MFHAS1: variants seen among roughly 807,000 people sequenced by gnomAD.
MFHAS1 encodes the protein malignant fibrous histiocytoma-amplified sequence 1.
A neutral mutation model predicts 70.4 loss-of-function variants in MFHAS1; 50 were observed. That is an observed-to-expected ratio of 0.71 (90% CI 0.57 to 0.90). The LOEUF (loss-of-function observed/expected upper bound fraction) is 0.90, where lower values mean the gene tolerates loss of function less well. Among genes scored for constraint, MFHAS1 ranks in the 40% least tolerant of loss-of-function variants. The pLI is 0.00. For synonymous variants in MFHAS1, 952 were observed against 620.0 expected (o/e 1.54, Z -7.96); for missense variants, 1,795 against 1,347.6 (o/e 1.33, Z -5.20).
At chr8:8,786,859 C>G (rs1041532105) in intron 2 of MFHAS1, among the ~76,000 whole-genome samples, 3 of 152,044 alleles carry the variant, frequency 2.0e-5, no homozygotes, top group Non-Finnish European at 2.9e-5. Context: ...AAACACTTCT[C>G]CAGTCCATAC....
chr8:8,813,726 A>G (rs1806635100), intron 1 of MFHAS1, among the ~76,000 whole-genome samples: 1 of 152,210 alleles, frequency 6.6e-6, no homozygotes, highest in African/African-American at 2.4e-5. Context: ...TTTATAAAGT[A>G]AAAAAGTTAC....
chr8:8,879,287 G>A (rs1414408148), intron 1 of MFHAS1, among the ~76,000 whole-genome samples: 1 of 152,094 alleles, frequency 6.6e-6, no homozygotes. Context: ...GGAGGCGGAA[G>A]CTGCAGTGAG....
chr8:8,881,606 G>T (rs1322302998), intron 1 of MFHAS1, among the ~76,000 whole-genome samples: 5 of 152,186 alleles, frequency 3.3e-5, no homozygotes, highest in Non-Finnish European at 7.3e-5. Context: ...GGCTGAGGCG[G>T]GCGGATCACC....
intron 1 of MFHAS1, among the ~76,000 whole-genome samples, chr8:8,807,693 C>T (rs1350826859): frequency 6.6e-6 from 1 of 152,084 alleles, no homozygotes; most frequent in Non-Finnish European, 1.5e-5. Context: ...AAGAAGTGGC[C>T]AGAGCTGGTG....
At chr8:8,875,756 A>C (rs912750607) in intron 1 of MFHAS1, among the ~76,000 whole-genome samples, 1 of 152,060 alleles carries the variant, frequency 6.6e-6, no homozygotes, top group African/African-American at 2.4e-5. Flanking sequence ...ACGCTCAGCT[A>C]ATTTTTGCAA....
intron 1 of MFHAS1, among the ~76,000 whole-genome samples, chr8:8,814,787 T>C (rs1806675228): frequency 6.6e-6 from 1 of 151,578 alleles, no homozygotes; most frequent in Non-Finnish European, 1.5e-5. Context: ...CTCAACGTGA[T>C]GCATATTGGG....
intron 1 of MFHAS1, among the ~76,000 whole-genome samples, chr8:8,875,809 G>A (rs1027268003): frequency 5.3e-5 from 8 of 152,154 alleles, no homozygotes; most frequent in Non-Finnish European, 1.0e-4. Context: ...GACTGCTCTC[G>A]AACTCGTGAC....
At chr8:8,853,209 A>AC (rs1203833212) in intron 1 of MFHAS1, among the ~76,000 whole-genome samples, 3 of 150,632 alleles carry the variant, frequency 2.0e-5, no homozygotes, top group Admixed American at 6.7e-5. Flanking sequence ...ACACTCACAT[A>AC]CCCCCCAAAA....
chr8:8,863,902 G>A (rs1270720620), intron 1 of MFHAS1, among the ~76,000 whole-genome samples: 6 of 152,206 alleles, frequency 3.9e-5, no homozygotes, highest in Admixed American at 6.5e-5. Context: ...TCAAGGAGCT[G>A]AAACTCACCA....
At chr8:8,788,029 C>T (rs1232091506) in intron 2 of MFHAS1, among the ~76,000 whole-genome samples, 1 of 152,322 alleles carries the variant, frequency 6.6e-6, no homozygotes, top group Non-Finnish European at 1.5e-5. Context: ...ATCTCAAGTA[C>T]GACTTCCTGG....
chr8:8,791,271 C>T (rs1322337496), intron 2 of MFHAS1, among the ~76,000 whole-genome samples: 3 of 152,134 alleles, frequency 2.0e-5, no homozygotes, highest in Non-Finnish European at 1.5e-5. Context: ...AAACGTCAAC[C>T]ATCAGGAAAT....
chr8:8,859,362 A>G (rs915075424), intron 1 of MFHAS1, among the ~76,000 whole-genome samples: 1 of 152,152 alleles, frequency 6.6e-6, no homozygotes, highest in East Asian at 1.9e-4. Context: ...CAAAAAAAAA[A>G]GTTCACCATG....
At chr8:8,789,537 T>G (rs771345806) in intron 2 of MFHAS1, among the ~76,000 whole-genome samples, 1 of 152,120 alleles carries the variant, frequency 6.6e-6, no homozygotes, top group Non-Finnish European at 1.5e-5. Flanking sequence ...CCTTCCAGGA[T>G]GCAACAAAGA....
chr8:8,821,485 G>C (rs138881849), intron 1 of MFHAS1, among the ~76,000 whole-genome samples: 2 of 152,314 alleles, frequency 1.3e-5, no homozygotes, highest in Admixed American at 6.5e-5. Context: ...ATACAAAGTT[G>C]TTATTAATGC....
At position 8,892,024 on chromosome 8, in the gene MFHAS1, CT is replaced by C; in HGVS notation, c.1034del (p.Glu345GlyfsTer33). ...PDSIVELTGL[E>X]ELVLQGNQIA... ...TCTGGTTCCCCTGCAGCACGAGCTC[CT>C]CCAGGCCGGTCAGCTCCACGATGGA... On this transcript the variant is annotated frameshift_variant, in exon 1 of 3. Coordinates refer to ENST00000276282, the MANE Select transcript of MFHAS1 (RefSeq NM_004225.3). LOFTEE classifies it high-confidence loss of function. This position sits in a 1 kb window ranked among gnomAD's most constrained non-coding sequence, Gnocchi z 4.7. 6.2e-7 allele frequency: 1 copy of C among 1,613,614 alleles called. No homozygotes were observed. The highest frequency in any genetic ancestry group is 1.1e-5 in the South Asian group (1 of 91,084).
intron 1 of MFHAS1, among the ~76,000 whole-genome samples, chr8:8,875,844 C>A (rs2116918733): frequency 6.6e-6 from 1 of 152,306 alleles, no homozygotes; most frequent in African/African-American, 2.4e-5. Flanking sequence ...GCCTCGGCCT[C>A]CCAAAGTGCT....
chr8:8,835,502 C>G (rs1245987428), intron 1 of MFHAS1, among the ~76,000 whole-genome samples: 1 of 152,168 alleles, frequency 6.6e-6, no homozygotes, highest in African/African-American at 2.4e-5. Context: ...TTAATTCCCT[C>G]ATTTTCCTCA....
At chr8:8,806,723 G>T (rs987471707) in intron 1 of MFHAS1, among the ~76,000 whole-genome samples, 2 of 152,174 alleles carry the variant, frequency 1.3e-5, no homozygotes, top group Admixed American at 6.5e-5. Context: ...CACTTTGGGA[G>T]GCCAAGGCTG....
intron 1 of MFHAS1, among the ~76,000 whole-genome samples, chr8:8,798,252 C>G (rs1428003814): frequency 6.6e-6 from 1 of 152,204 alleles, no homozygotes; most frequent in African/African-American, 2.4e-5. Context: ...TCAGAGAGTA[C>G]TCAAGAAACA....
Sources: allele counts gnomAD v4.1 joint callset (sites outside exome capture counted in the v4.1 genomes callset), GRCh38; gene constraint gnomAD v4.1.1; non-coding constraint Gnocchi (gnomAD v3.1); transcripts MANE v1.5; gene names NCBI Gene and HGNC (gene_info 2026-07-23, HGNC 2026-07-21).